CLEC16A: variants seen among roughly 807,000 people sequenced by gnomAD.
CLEC16A encodes protein CLEC16A.
Under a neutral mutation model 109.5 loss-of-function variants are expected in CLEC16A, and 51 were observed. The observed-to-expected ratio is 0.47, with a 90% CI of 0.37 to 0.59. The LOEUF is 0.59. CLEC16A is among the 20% of genes least tolerant of loss of function. CLEC16A has a pLI of 0.00. For missense variants in CLEC16A, 1,339 were observed against 1,394.0 expected, an observed-to-expected ratio of 0.96 and a Z score of 0.63; for synonymous variants, 673 against 564.2, an observed-to-expected ratio of 1.19 and a Z score of -2.73.
At chr16:11,085,318 T>C (rs1174347807) in intron 19 of CLEC16A, among the ~76,000 whole-genome samples, 1 of 152,250 alleles carries the variant, frequency 6.6e-6, no homozygotes, top group Non-Finnish European at 1.5e-5. Flanking sequence ...CTGTGGCTTA[T>C]AAGAAACAGA....
chr16:11,142,088 A>C (rs980955914), intron 22 of CLEC16A, among the ~76,000 whole-genome samples: 1 of 152,156 alleles, frequency 6.6e-6, no homozygotes, highest in South Asian at 2.1e-4. Context: ...CCAGGTTCAC[A>C]GCAGGGAGGC....
intron 23 of CLEC16A, among the ~76,000 whole-genome samples, chr16:11,176,932 A>G (rs1026758967): frequency 1.3e-5 from 2 of 151,690 alleles, no homozygotes; most frequent in African/African-American, 4.8e-5. Flanking sequence ...TTGTTTTTCC[A>G]TTATTTTGCT....
In CLEC16A at chr16:11,022,815, C is replaced by T. The variant is rs952399937; in HGVS notation, c.1437-2006C>T. On this transcript the variant is annotated intron_variant, in intron 12 of 23. Coordinates refer to ENST00000409790, the MANE Select transcript of CLEC16A (RefSeq NM_015226.3). ...TCAGGAGGCTGAGGCAGGAGAATGG[C>T]GTGAACCCGGGAGGCAGAGCTTGCA... 4.6e-5 allele frequency among the ~76,000 whole-genome samples: 7 copies of T among 151,676 alleles called. No homozygotes were observed. The East Asian group carries it at 7.8e-4, about 17-fold the overall frequency.
At chr16:11,113,470 G>T (rs1477358040) in intron 19 of CLEC16A, among the ~76,000 whole-genome samples, 1 of 152,190 alleles carries the variant, frequency 6.6e-6, no homozygotes, top group South Asian at 2.1e-4. Flanking sequence ...TCCAGCCTGG[G>T]CAACATGGCA....
intron 22 of CLEC16A, among the ~76,000 whole-genome samples, chr16:11,131,154 C>T (rs540743636): frequency 6.6e-6 from 1 of 152,112 alleles, no homozygotes; most frequent in Non-Finnish European, 1.5e-5. Flanking sequence ...CAGTGGCGGC[C>T]AGTATGTGGG....
In CLEC16A at chr16:10,950,451, C is replaced by G. The variant is rs186406277; in HGVS notation, c.80+5654C>G. Among the ~76,000 whole-genome samples the G allele has an allele frequency of 6.0e-4, 91 of 152,340 alleles. 1 individual carries two copies. Among genetic ancestry groups the G allele is most frequent in the African/African-American group, 2.1e-3 (87 of 41,584 alleles). ...GCACCTGTGCCACAGCCATGACTTT[C>G]TCTAGGGCTAAAGCCCTAAAGAAAG... is the stretch of plus-strand genomic sequence containing the variant. On this transcript the variant is annotated intron_variant, in intron 1 of 23. Transcript: ENST00000409790.
chr16:11,116,972 AC>A (rs1300759640), intron 19 of CLEC16A, among the ~76,000 whole-genome samples: 1 of 152,218 alleles, frequency 6.6e-6, no homozygotes, highest in Non-Finnish European at 1.5e-5. Context: ...AAAATGTAGT[AC>A]GTATACACTA....
chr16:11,095,083 C>CTT (rs71136618), intron 19 of CLEC16A, among the ~76,000 whole-genome samples: 36 of 150,304 alleles, frequency 2.4e-4, no homozygotes, highest in African/African-American at 5.6e-4. Flanking sequence ...AGTTGCTAAT[C>CTT]TTTTTTTTTC....
intron 22 of CLEC16A, among the ~76,000 whole-genome samples, chr16:11,165,773 C>T (rs976184093): frequency 1.3e-5 from 2 of 152,194 alleles, no homozygotes; most frequent in Non-Finnish European, 2.9e-5. Flanking sequence ...TGTGGGCAGA[C>T]TCCACCTCCA....
chr16:11,140,427 C>T (rs1391775821), intron 22 of CLEC16A, among the ~76,000 whole-genome samples: 1 of 152,188 alleles, frequency 6.6e-6, no homozygotes, highest in African/African-American at 2.4e-5. Context: ...GGGAGAAAAA[C>T]GTTCTTTTTT....
At chr16:10,966,128 A>G (rs1039749328) in intron 3 of CLEC16A, among the ~76,000 whole-genome samples, 2 of 152,334 alleles carry the variant, frequency 1.3e-5, no homozygotes, top group Middle Eastern at 3.4e-3. Context: ...GGGTGACACG[A>G]TACCCATGTT....
chr16:10,978,603 C>T (rs1407521006), intron 8 of CLEC16A, among the ~76,000 whole-genome samples: 4 of 152,186 alleles, frequency 2.6e-5, no homozygotes, highest in African/African-American at 9.6e-5. Context: ...AGGGAGACTC[C>T]TTTCAAAGCA....
chr16:11,111,586 T>C (rs1483746536), intron 19 of CLEC16A, among the ~76,000 whole-genome samples: 6 of 152,200 alleles, frequency 3.9e-5, no homozygotes, highest in Non-Finnish European at 8.8e-5. Flanking sequence ...TAAGAAATAT[T>C]GCTGTGGCCA....
intron 22 of CLEC16A, among the ~76,000 whole-genome samples, chr16:11,165,292 A>C (rs1212294052): frequency 6.6e-6 from 1 of 151,836 alleles, no homozygotes; most frequent in South Asian, 2.1e-4. Flanking sequence ...GGAGTTCAAG[A>C]CCAGCCTGGG....
chr16:11,106,306 G>A (rs552747685), intron 19 of CLEC16A, among the ~76,000 whole-genome samples: 2 of 151,902 alleles, frequency 1.3e-5, no homozygotes, highest in East Asian at 1.9e-4. Flanking sequence ...CTTTTTTGTG[G>A]GGGAGAGTTA....
chr16:11,075,418 G>GTC (rs1244145748), intron 19 of CLEC16A, among the ~76,000 whole-genome samples: 3 of 146,494 alleles, frequency 2.0e-5, no homozygotes, highest in Admixed American at 6.8e-5. Flanking sequence ...GTGTCTGTGT[G>GTC]TGTGTGTGTA....
rs185567274 is a variant in CLEC16A, at chr16:10,975,701, G to A, written c.729-1524G>A. ...CTTGCTCTGTCACCCAGGCTGGAGTGCAATAGTGCAATCTTGGCTCACTGC... is the reference window on the plus strand; with the variant it reads ...CTTGCTCTGTCACCCAGGCTGGAGTACAATAGTGCAATCTTGGCTCACTGC... On this transcript the variant is annotated intron_variant, in intron 7 of 23. Transcript: ENST00000409790. Among the ~76,000 whole-genome samples, 26 of 152,176 alleles carry A rather than the reference G, an allele frequency of 1.7e-4. No individual in the cohort carries two copies. In the East Asian group the frequency reaches 4.7e-3, roughly 27 times the overall value.
intron 23 of CLEC16A, among the ~76,000 whole-genome samples, chr16:11,171,354 G>T (rs1417328371): frequency 1.3e-5 from 2 of 152,216 alleles, no homozygotes; most frequent in African/African-American, 4.8e-5. Context: ...CTCTTTCAGT[G>T]CTGGCCCCAG....
intron 22 of CLEC16A, chr16:11,157,209 A>C: frequency 8.1e-7 from 1 of 1,240,662 alleles, no homozygotes; most frequent in African/African-American, 1.6e-5. Context: ...ATCAGAAATA[A>C]AAAGTATTTA....
Sources: gnomAD v4.1 joint callset for allele counts (sites outside exome capture counted in the v4.1 genomes callset) on GRCh38, gnomAD v4.1.1 for gene constraint, MANE v1.5 for transcripts, NCBI Gene and HGNC (gene_info 2026-07-23, HGNC 2026-07-21) for gene names.